The following BBS9 variants were observed in gnomAD, a reference collection of about 807,000 sequenced individuals.
BBS9 encodes the protein Bardet-Biedl syndrome 9.
In BBS9, 89 loss-of-function variants were observed where a neutral mutation model predicts 117.7. The observed-to-expected ratio is 0.76, with a 90% CI of 0.64 to 0.90. The LOEUF (loss-of-function observed/expected upper bound fraction) is 0.90, where lower values mean the gene tolerates loss of function less well. BBS9 is among the 40% of genes least tolerant of loss of function. The pLI is 0.00. For synonymous variants in BBS9, 379 were observed against 370.9 expected (o/e 1.02, Z -0.25); for missense variants, 982 against 1,042.2 (o/e 0.94, Z 0.80).
At chr7:33,158,106 A>C (rs779392962) in intron 4 of BBS9, among the ~76,000 whole-genome samples, 4 of 152,208 alleles carry the variant, frequency 2.6e-5, no homozygotes, top group Non-Finnish European at 5.9e-5. Context: ...GGTTTCCATG[A>C]GGAGGGCAAA....
chr7:33,562,563 T>C (rs1585265599), intron 21 of BBS9, among the ~76,000 whole-genome samples: 1 of 152,176 alleles, frequency 6.6e-6, no homozygotes, highest in Non-Finnish European at 1.5e-5. Context: ...TAAACTGAAC[T>C]TGAAACAGCT....
At chr7:33,171,802 T>G (rs1480153224) in intron 4 of BBS9, among the ~76,000 whole-genome samples, 3 of 152,136 alleles carry the variant, frequency 2.0e-5, no homozygotes, top group Non-Finnish European at 4.4e-5. Context: ...TTTAAATTAC[T>G]GAAAATAATT....
intron 21 of BBS9, among the ~76,000 whole-genome samples, chr7:33,568,970 A>C (rs918265423): frequency 6.6e-6 from 1 of 152,132 alleles, no homozygotes; most frequent in Non-Finnish European, 1.5e-5. Context: ...CTTTTCTGAG[A>C]AGCTCTTTGT....
chr7:33,625,966 G>A (rs953646759), intron 21 of BBS9, among the ~76,000 whole-genome samples: 1 of 152,158 alleles, frequency 6.6e-6, no homozygotes. Context: ...AACTAGACTA[G>A]CTATGAATAT....
chr7:33,357,692 T>A (rs180813001), intron 15 of BBS9, 163 bp from the exon 16 acceptor site: 2 of 757,246 alleles, frequency 2.6e-6, no homozygotes, highest in Admixed American at 4.0e-5. Context: ...TAATGAAATA[T>A]GAATCATGAT....
chr7:33,505,312 A>G (rs943486310), intron 19 of BBS9, 151 bp from the exon 20 acceptor site: 26 of 819,272 alleles, frequency 3.2e-5, no homozygotes, highest in Middle Eastern at 3.5e-4. Flanking sequence ...CAGATGAATG[A>G]TAACTCTTTT....
intron 19 of BBS9, among the ~76,000 whole-genome samples, chr7:33,396,720 A>G (rs1270976051): frequency 1.3e-5 from 2 of 152,196 alleles, no homozygotes; most frequent in African/African-American, 4.8e-5. Flanking sequence ...AAGAGAACAA[A>G]GCTGGAGGCA....
intron 19 of BBS9, among the ~76,000 whole-genome samples, chr7:33,465,278 T>C (rs1160813881): frequency 6.6e-6 from 1 of 150,504 alleles, no homozygotes; most frequent in African/African-American, 2.4e-5. Context: ...TTTTTCAGCT[T>C]CCTCTCATTA....
intron 19 of BBS9, among the ~76,000 whole-genome samples, chr7:33,486,021 C>T (rs1009218135): frequency 4.6e-5 from 7 of 152,092 alleles, no homozygotes; most frequent in Non-Finnish European, 1.0e-4. Flanking sequence ...ATTAATCTTT[C>T]GTGTGTTCTT....
chr7:33,311,927 A>G (rs1396665829), intron 9 of BBS9, among the ~76,000 whole-genome samples: 1 of 152,222 alleles, frequency 6.6e-6, no homozygotes, highest in Non-Finnish European at 1.5e-5. Flanking sequence ...AAATTGTAAG[A>G]AACCTGCTTT....
At chr7:33,565,813 A>ACCGC in intron 21 of BBS9, among the ~76,000 whole-genome samples, 2 of 60,076 alleles carry the variant, frequency 3.3e-5, no homozygotes, top group African/African-American at 2.0e-4. Context: ...ATATATATAT[A>ACCGC]TATATATATA....
chr7:33,490,893 A>G (rs1468152936), intron 19 of BBS9, among the ~76,000 whole-genome samples: 2 of 152,206 alleles, frequency 1.3e-5, no homozygotes, highest in African/African-American at 4.8e-5. Flanking sequence ...GTGGACAGTG[A>G]CAGAACATGG....
chr7:33,604,248 A>G (rs1864247515), intron 21 of BBS9, among the ~76,000 whole-genome samples: 1 of 152,206 alleles, frequency 6.6e-6, no homozygotes, highest in Non-Finnish European at 1.5e-5. Context: ...AGTTATACCC[A>G]GTACTTCAAA....
intron 21 of BBS9, among the ~76,000 whole-genome samples, chr7:33,599,288 G>T (rs1483246796): frequency 6.6e-6 from 1 of 152,090 alleles, no homozygotes; most frequent in Non-Finnish European, 1.5e-5. Context: ...TTTTCTCTTT[G>T]CTGGAGAGCT....
At chr7:33,515,973 G>A (rs1847703033) in intron 20 of BBS9, among the ~76,000 whole-genome samples, 1 of 152,166 alleles carries the variant, frequency 6.6e-6, no homozygotes, top group Admixed American at 6.5e-5. Context: ...TCATGGTGTG[G>A]TTTTAAAAGA....
chr7:33,574,530 C>T (rs1858378500), intron 21 of BBS9, among the ~76,000 whole-genome samples: 1 of 152,044 alleles, frequency 6.6e-6, no homozygotes, highest in Non-Finnish European at 1.5e-5. Flanking sequence ...GTCCTGGCAG[C>T]ACAGACAAGA....
At chr7:33,256,565 T>C (rs927033736) in intron 5 of BBS9, among the ~76,000 whole-genome samples, 3 of 152,178 alleles carry the variant, frequency 2.0e-5, no homozygotes, top group African/African-American at 4.8e-5. Flanking sequence ...CTTAGTCAGA[T>C]ACAAGAAGAG....
intron 9 of BBS9, among the ~76,000 whole-genome samples, chr7:33,326,424 G>A (rs376206619): frequency 2.0e-5 from 3 of 152,002 alleles, no homozygotes; most frequent in Non-Finnish European, 4.4e-5. Context: ...CTTGCTGTCC[G>A]AGAGCCAAGG....
chr7:33,538,840 A>G (rs1180670451), intron 21 of BBS9, among the ~76,000 whole-genome samples: 1 of 151,610 alleles, frequency 6.6e-6, no homozygotes, highest in East Asian at 1.9e-4. Flanking sequence ...TCTCATCAGA[A>G]GTATATGGGT....
Sources: gnomAD v4.1 joint callset for allele counts (sites outside exome capture counted in the v4.1 genomes callset) on GRCh38, gnomAD v4.1.1 for gene constraint, MANE v1.5 for transcripts, NCBI Gene and HGNC (gene_info 2026-07-23, HGNC 2026-07-21) for gene names.